The following DPP6 variants were observed in gnomAD, a reference collection of about 807,000 sequenced individuals.
DPP6 encodes A-type potassium channel modulatory protein DPP6.
Under a neutral mutation model 122.6 loss-of-function variants are expected in DPP6, and 69 were observed. The observed-to-expected ratio is 0.56, with a 90% CI of 0.46 to 0.69. DPP6 has a LOEUF of 0.69. Among genes scored for constraint, DPP6 ranks in the 30% least tolerant of loss-of-function variants. DPP6 has a pLI of 0.00. For missense variants in DPP6, 928 were observed against 1,116.9 expected, an observed-to-expected ratio of 0.83 and a Z score of 2.41; for synonymous variants, 418 against 433.1, an observed-to-expected ratio of 0.97 and a Z score of 0.43.
At chr7:154,823,193 A>T (rs764164926) in intron 16 of DPP6, among the ~76,000 whole-genome samples, 6 of 152,216 alleles carry the variant, frequency 3.9e-5, no homozygotes, top group Admixed American at 6.5e-5. Context: ...TGCTCACAAG[A>T]CCTGGAACTG....
At position 154,509,852 on chromosome 7, in the gene DPP6, A is replaced by G. The variant is rs1336238056; in HGVS notation, c.458-30680A>G. ...GTCACAAATGACTACAATATACATGATTCCTTTTATATGAACTATTCAGAG... is the reference window on the plus strand; with the variant it reads ...GTCACAAATGACTACAATATACATGGTTCCTTTTATATGAACTATTCAGAG... On this transcript the variant is annotated intron_variant, in intron 3 of 25. Transcript: ENST00000377770. Among the ~76,000 whole-genome samples the G allele has an allele frequency of 2.6e-5, 4 of 152,152 alleles. No individual in the cohort carries two copies. In the South Asian group the frequency reaches 8.3e-4, roughly 31 times the overall value.
intron 1 of DPP6, among the ~76,000 whole-genome samples, chr7:154,176,541 G>A (rs540186118): frequency 6.6e-6 from 1 of 152,368 alleles, no homozygotes; most frequent in South Asian, 2.1e-4. Flanking sequence ...TTGTTTCAAT[G>A]TGTGTGTTTT....
At chr7:154,451,025 A>G (rs933820293) in intron 2 of DPP6, among the ~76,000 whole-genome samples, 13 of 151,990 alleles carry the variant, frequency 8.6e-5, no homozygotes, top group Admixed American at 2.6e-4. Context: ...GTGCATGTGA[A>G]CTTTCATGTC....
In DPP6 at chr7:154,846,989, A is replaced by C. The variant is rs528487898; in HGVS notation, c.1667-6791A>C. Among the ~76,000 whole-genome samples, 12 of 152,234 alleles carry C rather than the reference A, an allele frequency of 7.9e-5. 1 individual carries two copies. In the South Asian group the frequency reaches 2.5e-3, roughly 32 times the overall value. ...GTTTTATTCATTTAATCTCCTGCTA[A>C]TGAGTAGCTGAGTAATTTCCCATTT... On this transcript the variant is annotated intron_variant, in intron 16 of 25. Coordinates refer to ENST00000377770, the MANE Select transcript of DPP6 (RefSeq NM_130797.4).
intron 1 of DPP6, among the ~76,000 whole-genome samples, chr7:154,043,628 T>C (rs1410035495): frequency 1.3e-5 from 2 of 150,502 alleles, no homozygotes; most frequent in Admixed American, 6.7e-5. Flanking sequence ...TCAAGGAAGA[T>C]AGTTATCCTA....
chr7:154,647,605 C>G (rs1011819625), intron 6 of DPP6, among the ~76,000 whole-genome samples: 2 of 152,200 alleles, frequency 1.3e-5, no homozygotes, highest in African/African-American at 4.8e-5. Context: ...CACATGTGCC[C>G]TGGGCTCCCT....
intron 1 of DPP6, among the ~76,000 whole-genome samples, chr7:153,990,021 C>T (rs1475294659): frequency 5.2e-5 from 7 of 134,920 alleles, no homozygotes; most frequent in Admixed American, 3.0e-4. Context: ...TGCCCCCTGC[C>T]GGCCTTGCCT....
At chr7:154,419,383 T>A (rs931353457) in intron 1 of DPP6, among the ~76,000 whole-genome samples, 4 of 152,244 alleles carry the variant, frequency 2.6e-5, no homozygotes, top group African/African-American at 4.8e-5. Context: ...ACATTGACTA[T>A]TTTTTAAAAT....
chr7:154,072,980 C>A (rs1167680175), intron 1 of DPP6, among the ~76,000 whole-genome samples: 1 of 152,222 alleles, frequency 6.6e-6, no homozygotes, highest in African/African-American at 2.4e-5. Flanking sequence ...GACATGACGA[C>A]TGTGACTTAG....
intron 1 of DPP6, among the ~76,000 whole-genome samples, chr7:154,423,154 A>G (rs954561148): frequency 1.3e-5 from 2 of 152,214 alleles, no homozygotes; most frequent in East Asian, 3.9e-4. Flanking sequence ...AGCAACAACT[A>G]TTGCAATAGG....
chr7:154,392,215 G>A (rs1010000282), intron 1 of DPP6, among the ~76,000 whole-genome samples: 2 of 152,160 alleles, frequency 1.3e-5, no homozygotes, highest in African/African-American at 4.8e-5. Context: ...GGAGGTTGCA[G>A]TGAGCTGAGA....
At chr7:154,343,424 T>C (rs1048569955) in intron 1 of DPP6, among the ~76,000 whole-genome samples, 7 of 152,220 alleles carry the variant, frequency 4.6e-5, no homozygotes. Context: ...GGTCTTGATT[T>C]TGAGACAGTT....
chr7:154,305,608 A>C, intron 1 of DPP6: 1 of 1,555,714 alleles, frequency 6.4e-7, no homozygotes, highest in Non-Finnish European at 8.7e-7. Flanking sequence ...GCATGCGTGC[A>C]TATGTGTGTG....
intron 1 of DPP6, among the ~76,000 whole-genome samples, chr7:154,046,789 C>T (rs1427529474): frequency 2.0e-5 from 3 of 152,150 alleles, no homozygotes; most frequent in Non-Finnish European, 2.9e-5. Flanking sequence ...CCTTCTCTTT[C>T]GGGGGTGAAT....
chr7:154,564,020 A>C lies in DPP6; in HGVS notation c.553-2822A>C, dbSNP rs140583370. Reference sequence around the variant, plus strand: ...AGCTCAAGAAAACAAGGAGAAGCACAAAATAGCATGAAAAGAACCAGCGAG... The same window carrying C: ...AGCTCAAGAAAACAAGGAGAAGCACCAAATAGCATGAAAAGAACCAGCGAG... On this transcript the variant is annotated intron_variant, in intron 4 of 25. Coordinates refer to ENST00000377770, the MANE Select transcript of DPP6 (RefSeq NM_130797.4). Among the ~76,000 whole-genome samples the C allele has an allele frequency of 9.6e-3, 1,459 of 152,308 alleles. 24 individuals carry two copies. The highest frequency in any genetic ancestry group is 0.032 in the African/African-American group (1,322 of 41,556).
chr7:154,575,009 GTTT>G (rs1831449181), intron 5 of DPP6, among the ~76,000 whole-genome samples: 1 of 144,476 alleles, frequency 6.9e-6, no homozygotes, highest in African/African-American at 2.6e-5. Flanking sequence ...GGGTGTGTGT[GTTT>G]GTGGGTGGTG....
chr7:154,768,619 G>GA (rs1349921375), intron 8 of DPP6, among the ~76,000 whole-genome samples: 1 of 152,000 alleles, frequency 6.6e-6, no homozygotes, highest in African/African-American at 2.4e-5. Flanking sequence ...CCAACGTGTT[G>GA]AAAAAAACGC....
At chr7:154,144,711 G>A (rs974160673) in intron 1 of DPP6, among the ~76,000 whole-genome samples, 1 of 152,090 alleles carries the variant, frequency 6.6e-6, no homozygotes, top group African/African-American at 2.4e-5. Flanking sequence ...TGAAGATAAG[G>A]CGTTTTTTTA....
chr7:154,052,192 A>C (rs960726722), upstream of DPP6, among the ~76,000 whole-genome samples: 2 of 150,846 alleles, frequency 1.3e-5, no homozygotes, highest in Non-Finnish European at 3.0e-5. This position sits in a 1 kb window ranked among gnomAD's most constrained non-coding sequence, Gnocchi z 4.8. Flanking sequence ...CGCACCCACG[A>C]CCCGCGTGGT....
Sources: allele counts gnomAD v4.1 joint callset (sites outside exome capture counted in the v4.1 genomes callset), GRCh38; gene constraint gnomAD v4.1.1; non-coding constraint Gnocchi (gnomAD v3.1); transcripts MANE v1.5; gene names NCBI Gene and HGNC (gene_info 2026-07-23, HGNC 2026-07-21).